Variants in USP13 observed in about 807,000 individuals in gnomAD.
USP13 encodes ubiquitin carboxyl-terminal hydrolase 13.
Under a neutral mutation model 107.8 loss-of-function variants are expected in USP13, and 68 were observed. The observed-to-expected ratio is 0.63, with a 90% CI of 0.52 to 0.77. The LOEUF is 0.77. USP13 is among the 30% of genes least tolerant of loss of function. The pLI, the probability that USP13 is intolerant of heterozygous loss-of-function variation, is 0.00. For synonymous variants in USP13, 377 were observed against 389.5 expected (o/e 0.97, Z 0.38); for missense variants, 945 against 1,093.3 (o/e 0.86, Z 1.91).
chr3:179,744,237 G>A (rs1449107762), intron 12 of USP13, among the ~76,000 whole-genome samples: 2 of 152,060 alleles, frequency 1.3e-5, no homozygotes, highest in Non-Finnish European at 2.9e-5. Flanking sequence ...GGCCTCACAG[G>A]GACCCATGTG....
At chr3:179,749,895 AT>A (rs762005179) in intron 13 of USP13, among the ~76,000 whole-genome samples, 2 of 152,192 alleles carry the variant, frequency 1.3e-5, no homozygotes, top group Non-Finnish European at 2.9e-5. Flanking sequence ...CTTTTGGTTG[AT>A]TTCACTGTTA....
chr3:179,688,178 C>A (rs940151329), intron 2 of USP13, among the ~76,000 whole-genome samples: 11 of 139,020 alleles, frequency 7.9e-5, no homozygotes, highest in African/African-American at 2.8e-4. Context: ...TATATCCATC[C>A]ATCCATCCAT....
chr3:179,670,887 G>A (rs757977062), intron 1 of USP13, among the ~76,000 whole-genome samples: 4 of 151,808 alleles, frequency 2.6e-5, no homozygotes, highest in Admixed American at 6.6e-5. Context: ...TGGTAGAGAC[G>A]GGGTTTTACC....
intron 16 of USP13, among the ~76,000 whole-genome samples, chr3:179,758,449 G>A (rs1410137247): frequency 2.0e-5 from 3 of 152,066 alleles, no homozygotes; most frequent in Admixed American, 6.6e-5. Context: ...CAACAATCAG[G>A]AGAAAATAAA....
rs1714999330 is a variant in USP13, at chr3:179,761,200, A to T, written c.2037A>T (p.Gly679=). ...GTCGCAAGGCTGTGTACTTCACTGGAAATATGGGCGCCGAGGTGGCCTTCA... is the reference window on the plus strand; with the variant it reads ...GTCGCAAGGCTGTGTACTTCACTGGTAATATGGGCGCCGAGGTGGCCTTCA... ...EACRKAVYFT[G]NMGAEVAFNW... Residue 679 remains glycine, a synonymous_variant, in exon 17 of 21, where the codon GGA becomes GGT. Coordinates refer to ENST00000263966, the MANE Select transcript of USP13 (RefSeq NM_003940.3). 1 of 1,614,052 alleles carries T rather than the reference A, an allele frequency of 6.2e-7. No homozygotes were observed. The highest frequency in any genetic ancestry group is 8.5e-7 in the Non-Finnish European group (1 of 1,180,046).
At position 179,708,821 on chromosome 3, in the gene USP13, TCTGA is replaced by T. The variant is rs1380674858; in HGVS notation, c.675_678del (p.Asp226AlafsTer30). The T allele has an allele frequency of 6.2e-7, 1 of 1,614,044 alleles. No individual in the cohort carries two copies. The highest frequency in any genetic ancestry group is 1.3e-5 in the African/African-American group (1 of 74,900). ...ACCTGCGAGAAAACCTCTGGTTGAA[TCTGA>T]CTGACGGCTCTGTCCTGTGTGGAAA... On this transcript the variant is annotated frameshift_variant, in exon 6 of 21. Coordinates refer to ENST00000263966, the MANE Select transcript of USP13 (RefSeq NM_003940.3). LOFTEE classifies it high-confidence loss of function.
In USP13 at chr3:179,747,753, C is replaced by G. The variant is rs146852796; in HGVS notation, c.1709+2536C>G. ...GGGGCAAAGTCACCGCCCAGTGATT[C>G]CATCTGTAATGGAGAAATGATGCTC... On this transcript the variant is annotated intron_variant, in intron 13 of 20. Coordinates refer to ENST00000263966, the MANE Select transcript of USP13 (RefSeq NM_003940.3). Among the ~76,000 whole-genome samples, 48 of 152,278 alleles carry G rather than the reference C, an allele frequency of 3.2e-4. No individual in the cohort carries two copies. In the East Asian group the frequency reaches 7.5e-3, roughly 24 times the overall value.
rs74848111 is a variant in USP13 at position 179,703,943 on chromosome 3, G to A, written c.477+2814G>A. Among the ~76,000 whole-genome samples the A allele has an allele frequency of 4.2e-3, 639 of 152,288 alleles. 26 individuals are homozygous for A. The East Asian group carries it at 0.095, about 23-fold the overall frequency. Reference sequence around the variant, plus strand: ...CTTGCTGAATTTCTTAAAATTTAAAGCTGGACTCTTATGAGCCAGTTTGAG... The same window carrying A: ...CTTGCTGAATTTCTTAAAATTTAAAACTGGACTCTTATGAGCCAGTTTGAG... On this transcript the variant is annotated intron_variant, in intron 4 of 20. Coordinates refer to ENST00000263966, the MANE Select transcript of USP13 (RefSeq NM_003940.3).
At chr3:179,750,632 A>G (rs79975116) in intron 13 of USP13, among the ~76,000 whole-genome samples, 2 of 152,302 alleles carry the variant, frequency 1.3e-5, no homozygotes, top group East Asian at 3.9e-4. Flanking sequence ...AAATACAGAT[A>G]AGTGACAGTT....
chr3:179,753,469 C>T (rs1714681212), intron 14 of USP13, among the ~76,000 whole-genome samples: 1 of 152,080 alleles, frequency 6.6e-6, no homozygotes, highest in African/African-American at 2.4e-5. Flanking sequence ...CTTTGAATTG[C>T]CTTGGAAATA....
At chr3:179,711,014 G>A (rs182992192) in intron 6 of USP13, among the ~76,000 whole-genome samples, 2 of 152,210 alleles carry the variant, frequency 1.3e-5, no homozygotes, top group East Asian at 1.9e-4. Context: ...TGAAGGCCTC[G>A]GACTTTAGTG....
Position 179,653,550 on chromosome 3 carries a change from G to C in USP13, c.168+157G>C. On this transcript the variant is annotated intron_variant, in intron 1 of 20. Transcript: ENST00000263966. This position sits in a 1 kb window ranked among gnomAD's most constrained non-coding sequence, Gnocchi z 4.0. ...GCAGTTCGGCAGACACTTAGTGAGC[G>C]CCCCAGGGCTGCTGCAGCCGAGGAC... 1 of 1,024,102 alleles carries C rather than the reference G, an allele frequency of 9.8e-7. No individual in the cohort carries two copies. The highest frequency in any genetic ancestry group is 1.4e-6 in the Non-Finnish European group (1 of 727,344). 63.4% of individuals were successfully genotyped at this position (1,024,102 alleles called of 1,614,324 possible). A position where few individuals can be genotyped will look rare whatever the true frequency, so the allele number is the denominator to read the frequency against.
chr3:179,778,475 ACATGGTGGCTGGG>A (rs1715621800), intron 19 of USP13, among the ~76,000 whole-genome samples: 1 of 152,164 alleles, frequency 6.6e-6, no homozygotes, highest in South Asian at 2.1e-4. Flanking sequence ...TAAGAATGTG[ACATGGTGGCTGGG>A]CATGGTGGCT....
At position 179,701,016 on chromosome 3, in the gene USP13, A is replaced by C; in HGVS notation, c.364A>C (p.Thr122Pro). 6.2e-7 allele frequency: 1 copy of C among 1,613,398 alleles called. No homozygotes were observed. The highest frequency in any genetic ancestry group is 8.5e-7 in the Non-Finnish European group (1 of 1,179,882). ...RNSKIFLDLD[T>P]DDDLNSDDYE... ...TTTTGTTTTCTCCTCAGATCTAGATACTGATGACGATTTAAATAGCGACGA... is the reference window on the plus strand; with the variant it reads ...TTTTGTTTTCTCCTCAGATCTAGATCCTGATGACGATTTAAATAGCGACGA... The change falls in exon 4 of 21, where the codon ACT becomes CCT. Residue 122 changes from threonine (T) to proline (P), a missense_variant. By Grantham distance (38) the Thr-to-Pro change is conservative (BLOSUM62 -1). Coordinates refer to ENST00000263966, the MANE Select transcript of USP13 (RefSeq NM_003940.3).
intron 12 of USP13, among the ~76,000 whole-genome samples, chr3:179,743,911 A>G (rs1355512690): frequency 2.8e-5 from 4 of 144,862 alleles, no homozygotes; most frequent in Non-Finnish European, 6.0e-5. Flanking sequence ...GTACCTACAA[A>G]CTGATAAATA....
chr3:179,711,799 G>A (rs572099778), intron 6 of USP13, among the ~76,000 whole-genome samples: 11 of 152,054 alleles, frequency 7.2e-5, no homozygotes, highest in South Asian at 6.2e-4. Context: ...ACTTTTTTTC[G>A]TATATAAGTA....
intron 7 of USP13, among the ~76,000 whole-genome samples, chr3:179,720,279 T>C (rs1317758570): frequency 6.6e-6 from 1 of 152,246 alleles, no homozygotes; most frequent in African/African-American, 2.4e-5. Context: ...TTTGGTTTAG[T>C]TGGAGTTTAC....
chr3:179,659,772 C>G (rs1190521768), intron 1 of USP13, among the ~76,000 whole-genome samples: 1 of 152,188 alleles, frequency 6.6e-6, no homozygotes, highest in East Asian at 1.9e-4. Flanking sequence ...GGCGCGGTGG[C>G]TCACACCTGT....
At chr3:179,688,134 T>TCC (rs1553789291) in intron 2 of USP13, among the ~76,000 whole-genome samples, 3 of 31,404 alleles carry the variant, frequency 9.6e-5, no homozygotes, top group African/African-American at 2.2e-4. Flanking sequence ...TCCATCCATA[T>TCC]ATCCATCCAT....
Sources: gnomAD v4.1 joint callset for allele counts (sites outside exome capture counted in the v4.1 genomes callset) on GRCh38, gnomAD v4.1.1 for gene constraint, Gnocchi (gnomAD v3.1) non-coding constraint, MANE v1.5 for transcripts, NCBI Gene and HGNC (gene_info 2026-07-23, HGNC 2026-07-21) for gene names.